Variants in TLE4 observed in about 807,000 individuals in gnomAD.
TLE4 encodes transducin-like enhancer protein 4.
A neutral mutation model predicts 92.8 loss-of-function variants in TLE4; 8 were observed. The ratio of observed to expected loss-of-function variants is 0.09; its 90% CI spans 0.05 to 0.16. The LOEUF (loss-of-function observed/expected upper bound fraction) is 0.16, where lower values mean the gene tolerates loss of function less well. TLE4 is among the 10% of genes least tolerant of loss of function. The pLI is 1.00. For synonymous variants in TLE4, 371 were observed against 374.1 expected (o/e 0.99, Z 0.10); for missense variants, 675 against 997.6 (o/e 0.68, Z 4.36).
At chr9:79,635,600 A>G (rs377408493) in intron 6 of TLE4, among the ~76,000 whole-genome samples, 4 of 150,698 alleles carry the variant, frequency 2.7e-5, no homozygotes, top group Admixed American at 2.6e-4. Context: ...CCACAAGGAC[A>G]TGGATTCAGT....
chr9:79,585,328 G>C (rs1301888745), intron 4 of TLE4, among the ~76,000 whole-genome samples: 1 of 152,146 alleles, frequency 6.6e-6, no homozygotes, highest in Admixed American at 6.5e-5. Flanking sequence ...AAATCAGCTA[G>C]CCGGTAAAAT....
rs769209629 is a variant in TLE4 at position 79,592,155 on chromosome 9, C to CT, written c.252+15980dup. 2.6e-3 allele frequency among the ~76,000 whole-genome samples: 382 copies of CT among 146,180 alleles called. 3 individuals are homozygous for CT. The highest frequency in any genetic ancestry group is 0.014 in the Admixed American group (195 of 14,442). ...TCTTCTTTCTTCTTTCTTCTTTCTT[C>CT]TTCTTCTTCTTCTTCCTCTTCCTCT... On this transcript the variant is annotated intron_variant, in intron 4 of 19. Coordinates refer to ENST00000376552, the MANE Select transcript of TLE4 (RefSeq NM_007005.6).
intron 4 of TLE4, among the ~76,000 whole-genome samples, chr9:79,609,677 A>G (rs1273485900): frequency 6.6e-6 from 1 of 152,050 alleles, no homozygotes; most frequent in South Asian, 2.1e-4. Context: ...GCTATTTTAG[A>G]ATATCATGAG....
intron 8 of TLE4, chr9:79,671,233 G>A (rs1161937014): frequency 6.6e-6 from 3 of 456,292 alleles, no homozygotes; most frequent in Non-Finnish European, 1.3e-5. Context: ...GCTCATAATG[G>A]ATGAAATTGG....
intron 9 of TLE4, 82 bp downstream of exon 9, chr9:79,704,984 C>A: frequency 6.4e-7 from 1 of 1,569,492 alleles, no homozygotes; most frequent in Admixed American, 1.8e-5. Flanking sequence ...TATTACCAGC[C>A]AACACAGGAA....
At chr9:79,662,097 C>T (rs2060612232) in intron 8 of TLE4, among the ~76,000 whole-genome samples, 1 of 152,174 alleles carries the variant, frequency 6.6e-6, no homozygotes, top group African/African-American at 2.4e-5. Context: ...CTTTCCCTCC[C>T]CTTTTACAGA....
intron 4 of TLE4, among the ~76,000 whole-genome samples, chr9:79,601,982 C>T (rs1268599421): frequency 2.6e-5 from 4 of 152,134 alleles, no homozygotes; most frequent in Admixed American, 1.3e-4. Context: ...AGCCTTATTG[C>T]TGAAATAGGG....
intron 8 of TLE4, among the ~76,000 whole-genome samples, chr9:79,663,876 A>G (rs1027813030): frequency 6.6e-6 from 1 of 152,188 alleles, no homozygotes; most frequent in African/African-American, 2.4e-5. Context: ...TAAACACAAA[A>G]CAAGGCTTCA....
chr9:79,576,411 C>T (rs536986409), intron 4 of TLE4: 1 of 311,292 alleles, frequency 3.2e-6, no homozygotes, highest in East Asian at 4.8e-5. Context: ...ACATATTAAA[C>T]TCTGTACACT....
chr9:79,627,935 T>C (rs1461341196), intron 6 of TLE4, among the ~76,000 whole-genome samples: 2 of 152,140 alleles, frequency 1.3e-5, no homozygotes, highest in Non-Finnish European at 2.9e-5. Flanking sequence ...GAAATAGAAA[T>C]AATAGATGAA....
At chr9:79,616,435 T>G (rs902897103) in intron 5 of TLE4, among the ~76,000 whole-genome samples, 1 of 152,164 alleles carries the variant, frequency 6.6e-6, no homozygotes, top group African/African-American at 2.4e-5. Flanking sequence ...ACTAGTGGGA[T>G]TAACTACAGT....
At chr9:79,606,187 G>GTTGTTTTTTTTTTTT (rs2046834923) in intron 4 of TLE4, among the ~76,000 whole-genome samples, 3 of 28,672 alleles carry the variant, frequency 1.0e-4, no homozygotes, top group Non-Finnish European at 1.3e-4. Context: ...AGTAGTAGTT[G>GTTGTTTTTTTTTTTT]TTTTTTTTTT....
chr9:79,724,920 G>T, intron 19 of TLE4, 117 bp from the exon 20 acceptor site: 1 of 483,878 alleles, frequency 2.1e-6, no homozygotes, highest in Non-Finnish European at 3.8e-6. Flanking sequence ...ACCTTTCCTT[G>T]ACTGGGCTTT....
At chr9:79,608,151 A>G (rs2047532396) in intron 4 of TLE4, among the ~76,000 whole-genome samples, 1 of 152,094 alleles carries the variant, frequency 6.6e-6, no homozygotes, top group African/African-American at 2.4e-5. Flanking sequence ...GTTACATGTT[A>G]TTAACACTTT....
chr9:79,644,376 G>A (rs1341826463), intron 6 of TLE4, among the ~76,000 whole-genome samples: 1 of 152,126 alleles, frequency 6.6e-6, no homozygotes, highest in East Asian at 1.9e-4. Flanking sequence ...GTCTATATTA[G>A]CAGCATGAGA....
chr9:79,693,587 G>A (rs778198791), intron 8 of TLE4: 17 of 474,230 alleles, frequency 3.6e-5, no homozygotes, highest in East Asian at 3.6e-4. Flanking sequence ...GCTGTCCTGC[G>A]GTGGGACATG....
At position 79,627,509 on chromosome 9, in the gene TLE4, T is replaced by C. The variant is rs534247700; in HGVS notation, c.390+61T>C. 5.8e-5 allele frequency: 89 copies of C among 1,530,842 alleles called. 1 individual carries two copies. In the Middle Eastern group the frequency reaches 1.2e-3, roughly 21 times the overall value. The allele number at this position is 1,530,842 out of a possible 1,614,324, so 94.8% of individuals were successfully genotyped here. A position where few individuals can be genotyped will look rare whatever the true frequency, so the allele number is the denominator to read the frequency against. On this transcript the variant is annotated intron_variant, in intron 6 of 19. Coordinates refer to ENST00000376552, the MANE Select transcript of TLE4 (RefSeq NM_007005.6). ...GTTTGTCATCAGCTCTCTCGCTCTC[T>C]CTTTTTACATTTTGTTCCGCCAAAG...
At chr9:79,708,907 C>A in intron 13 of TLE4, 121 bp downstream of exon 13, 1 of 1,186,444 alleles carries the variant, frequency 8.4e-7, no homozygotes, top group Non-Finnish European at 1.1e-6. Flanking sequence ...TCTTGGCTCA[C>A]TGCAGCCTCT....
chr9:79,718,117 A>C (rs750182348), intron 14 of TLE4: 1 of 455,922 alleles, frequency 2.2e-6, no homozygotes, highest in East Asian at 7.0e-5. Flanking sequence ...TTCTCATTCC[A>C]TTTGGATTGA....
Sources: allele counts gnomAD v4.1 joint callset (sites outside exome capture counted in the v4.1 genomes callset), GRCh38; gene constraint gnomAD v4.1.1; transcripts MANE v1.5; gene names NCBI Gene and HGNC (gene_info 2026-07-23, HGNC 2026-07-21).